The following F8 variants were observed in gnomAD, a reference collection of about 807,000 sequenced individuals.
F8 encodes the protein coagulation factor VIII.
In F8, 12 loss-of-function variants were observed where a neutral mutation model predicts 140.6. The observed-to-expected ratio is 0.09, with a 90% CI of 0.05 to 0.14. The LOEUF (loss-of-function observed/expected upper bound fraction) is 0.14, where lower values mean the gene tolerates loss of function less well. Among genes scored for constraint, F8 ranks in the 10% least tolerant of loss-of-function variants. F8 has a pLI of 1.00. For synonymous variants in F8, 585 were observed against 614.6 expected, an observed-to-expected ratio of 0.95 and a Z score of 0.71; for missense variants, 1,354 against 1,720.7, an observed-to-expected ratio of 0.79 and a Z score of 3.77.
At chrX:154,952,340 A>G (rs2124087913) in intron 12 of F8, among the ~76,000 whole-genome samples, 1 of 111,891 alleles carries the variant, frequency 8.9e-6, no homozygotes, top group South Asian at 3.7e-4. Flanking sequence ...AAATTTTTAG[A>G]ATAATGGATA....
intron 6 of F8, among the ~76,000 whole-genome samples, chrX:154,982,039 G>C (rs782498847): frequency 6.4e-5 from 7 of 109,534 alleles, no homozygotes; most frequent in African/African-American, 2.0e-4. Flanking sequence ...CAAAAATTAG[G>C]TGGGCGTGGT....
intron 3 of F8, among the ~76,000 whole-genome samples, chrX:154,994,326 T>A (rs1557284916): frequency 8.9e-6 from 1 of 112,062 alleles, no homozygotes; most frequent in South Asian, 3.7e-4. Context: ...TAAAAAAAAA[T>A]TGCCCACATA....
At chrX:154,876,403 G>A (rs1451335276) in intron 22 of F8, among the ~76,000 whole-genome samples, 2 of 111,379 alleles carry the variant, frequency 1.8e-5, no homozygotes, top group South Asian at 3.8e-4. Flanking sequence ...ACAGGCATAA[G>A]CCACCGTGCC....
At chrX:154,910,858 C>T (rs995818202) in intron 14 of F8, among the ~76,000 whole-genome samples, 8 of 110,007 alleles carry the variant, frequency 7.3e-5, no homozygotes, top group Admixed American at 9.6e-5. Context: ...TGGAGTGTCT[C>T]GGTGTAAAAC....
intron 3 of F8, among the ~76,000 whole-genome samples, chrX:154,994,387 T>C (rs2073605907): frequency 8.9e-6 from 1 of 112,331 alleles, no homozygotes; most frequent in Non-Finnish European, 1.9e-5. Context: ...CTAATATCAA[T>C]GCAATATTCA....
At position 154,836,463 on chromosome X, in the gene F8, T is replaced by C. The variant is rs1425290398; in HGVS notation, c.*1134A>G. 1 of 111,363 alleles carries C rather than the reference T, an allele frequency of 9.0e-6. No individual in the cohort carries two copies. The highest frequency in any genetic ancestry group is 1.9e-5 in the Non-Finnish European group (1 of 53,068). The allele number at this position is 111,363 out of a possible 1,213,427, so 9.2% of individuals were successfully genotyped here. A position where few individuals can be genotyped will look rare whatever the true frequency, so the allele number is the denominator to read the frequency against. Reference sequence around the variant, plus strand: ...ATGGCAGACTGGAGTGTTTTTTCTGTTTTCACCAGTCCAATTTTCTTCTGA... The same window carrying C: ...ATGGCAGACTGGAGTGTTTTTTCTGCTTTCACCAGTCCAATTTTCTTCTGA... On this transcript the variant is annotated 3_prime_UTR_variant, in exon 26 of 26. Transcript: ENST00000360256.
intron 22 of F8, among the ~76,000 whole-genome samples, chrX:154,881,157 T>C (rs2072856831): frequency 1.2e-5 from 1 of 81,099 alleles, no homozygotes; most frequent in Non-Finnish European, 2.3e-5. Context: ...CAGGGTGATA[T>C]TTCTAGAGGC....
chrX:154,954,095 G>T, intron 11 of F8, 53 bp from the exon 12 acceptor site: 2 of 1,127,326 alleles, frequency 1.8e-6, no homozygotes, highest in Non-Finnish European at 2.4e-6. Flanking sequence ...ATGTTGTCAG[G>T]TAGGAGCTAG....
chrX:154,918,331 C>T (rs1342992337), intron 14 of F8, among the ~76,000 whole-genome samples: 1 of 110,987 alleles, frequency 9.0e-6, no homozygotes, highest in Non-Finnish European at 1.9e-5. Context: ...GAAGAGCAGC[C>T]AATGTGTTTT....
At chrX:154,994,830 C>G (rs2073608078) in intron 3 of F8, among the ~76,000 whole-genome samples, 1 of 111,975 alleles carries the variant, frequency 8.9e-6, no homozygotes, top group Non-Finnish European at 1.9e-5. Context: ...ATACAAATGT[C>G]AAATTCCACA....
chrX:154,885,326 CACA>C, intron 22 of F8: 1 of 924,063 alleles, frequency 1.1e-6, no homozygotes. Context: ...CATGGTGGTT[CACA>C]ACGACAGGCT....
chrX:154,893,305 G>A, intron 22 of F8, among the ~76,000 whole-genome samples: 1 of 112,218 alleles, frequency 8.9e-6, no homozygotes, highest in South Asian at 3.7e-4. Flanking sequence ...TGAGGGCTGT[G>A]TCACAGGCCA....
At chrX:155,020,961 T>C (rs2073757410) in intron 1 of F8, among the ~76,000 whole-genome samples, 1 of 112,099 alleles carries the variant, frequency 8.9e-6, no homozygotes, top group African/African-American at 3.2e-5. Flanking sequence ...GTTCCATTAA[T>C]ATTCCTCTTG....
At chrX:154,999,751 T>A (rs1419502556) in intron 1 of F8, 151 bp from the exon 2 acceptor site, 5 of 621,186 alleles carry the variant, frequency 8.0e-6, no homozygotes, top group Non-Finnish European at 1.3e-5. Context: ...ACCGAAACAC[T>A]GTTTTCACAA....
chrX:154,991,552 C>T (rs1244765244), intron 4 of F8, among the ~76,000 whole-genome samples: 5 of 112,051 alleles, frequency 4.5e-5, no homozygotes, highest in African/African-American at 1.6e-4. Flanking sequence ...CCTCTGTAGA[C>T]TCTTTAGTTC....
intron 14 of F8, among the ~76,000 whole-genome samples, chrX:154,922,050 AAAAC>A (rs1191738424): frequency 1.1e-4 from 12 of 112,087 alleles, no homozygotes; most frequent in African/African-American, 2.3e-4. Flanking sequence ...AAAACAAAAC[AAAAC>A]AAACAAACAA....
At chrX:154,968,486 T>C (rs1286547242) in intron 7 of F8, among the ~76,000 whole-genome samples, 2 of 111,430 alleles carry the variant, frequency 1.8e-5, no homozygotes, top group African/African-American at 6.5e-5. Context: ...ACGAGAGGGG[T>C]AGAGAAAGAG....
At position 154,838,147 on chromosome X, in the gene F8, T is replaced by C. The variant is rs782450246; in HGVS notation, c.6901-395A>G. On this transcript the variant is annotated intron_variant, in intron 25 of 25. Coordinates refer to ENST00000360256, the MANE Select transcript of F8 (RefSeq NM_000132.4). ...GCTCAGAAAATGGTAGCTATCGTTA[T>C]TAGATAAACTGGTTTCGCACATGTT... Among the ~76,000 whole-genome samples, 14 of 112,494 alleles carry C rather than the reference T, an allele frequency of 1.2e-4. No homozygotes were observed. In the East Asian group the frequency reaches 3.9e-3, roughly 31 times the overall value.
intron 22 of F8, among the ~76,000 whole-genome samples, chrX:154,874,855 T>C (rs1190829828): frequency 8.9e-6 from 1 of 112,091 alleles, no homozygotes; most frequent in East Asian, 2.8e-4. Flanking sequence ...TTCTGTTATA[T>C]ATCCAAAGGA....
Sources: allele counts gnomAD v4.1 joint callset (sites outside exome capture counted in the v4.1 genomes callset), GRCh38; gene constraint gnomAD v4.1.1; transcripts MANE v1.5; gene names NCBI Gene and HGNC (gene_info 2026-07-23, HGNC 2026-07-21).